CLIC4: variants seen among roughly 807,000 people sequenced by gnomAD.
CLIC4 encodes the protein chloride intracellular channel protein 4.
Under a neutral mutation model 24.6 loss-of-function variants are expected in CLIC4, and 13 were observed. The ratio of observed to expected loss-of-function variants is 0.53; its 90% confidence interval spans 0.34 to 0.84. CLIC4 has a LOEUF of 0.84. Ranked by LOEUF, CLIC4 falls within the 40% of genes least tolerant of loss-of-function variation. The pLI, the probability that CLIC4 is intolerant of heterozygous loss-of-function variation, is 0.01. For synonymous variants in CLIC4, 104 were observed against 111.3 expected (o/e 0.93, Z 0.41); for missense variants, 227 against 301.7 (o/e 0.75, Z 1.83).
chr1:24,817,942 T>C (rs1344938769), intron 3 of CLIC4, among the ~76,000 whole-genome samples: 3 of 152,178 alleles, frequency 2.0e-5, no homozygotes. Context: ...TCAGAACACA[T>C]ATGATATTAA....
chr1:24,753,291 G>A (rs114638480), intron 1 of CLIC4, among the ~76,000 whole-genome samples: 1,611 of 152,184 alleles, frequency 0.011, 26 homozygotes, highest in African/African-American at 0.037. Context: ...AGAATGTACC[G>A]GCATGAACTA....
At chr1:24,810,963 C>G (rs1639607032) in intron 2 of CLIC4, among the ~76,000 whole-genome samples, 1 of 151,714 alleles carries the variant, frequency 6.6e-6, no homozygotes, top group Admixed American at 6.6e-5. Context: ...CCTGTAGTCC[C>G]AGCTACTTGG....
chr1:24,821,458 A>G (rs1639733386), intron 3 of CLIC4, among the ~76,000 whole-genome samples: 1 of 152,208 alleles, frequency 6.6e-6, no homozygotes. Flanking sequence ...GTTTAAATAC[A>G]TAGGAATCTT....
chr1:24,767,051 AAAAG>A (rs1465465610), intron 1 of CLIC4, among the ~76,000 whole-genome samples: 6 of 150,958 alleles, frequency 4.0e-5, no homozygotes, highest in Admixed American at 2.6e-4. Context: ...AAAAAAAAGA[AAAAG>A]AAAAGAAAAA....
At chr1:24,772,549 G>A (rs12074636) in intron 1 of CLIC4, among the ~76,000 whole-genome samples, 152 of 152,292 alleles carry the variant, frequency 1.0e-3, no homozygotes, top group African/African-American at 3.5e-3. Context: ...GCAGTGGCAC[G>A]ATCTCAGCTC....
intron 3 of CLIC4, among the ~76,000 whole-genome samples, chr1:24,818,513 CTGACCT>C (rs1366664156): frequency 1.7e-4 from 26 of 152,260 alleles, no homozygotes; most frequent in African/African-American, 6.0e-4. Flanking sequence ...TCTCGAAATC[CTGACCT>C]CAAGGTATCC....
At chr1:24,748,894 A>G (rs1638740344) in intron 1 of CLIC4, among the ~76,000 whole-genome samples, 2 of 151,680 alleles carry the variant, frequency 1.3e-5, no homozygotes, top group African/African-American at 4.9e-5. Context: ...TGGGAAATGC[A>G]AATGGGGGAA....
intron 4 of CLIC4, 55 bp downstream of exon 4, chr1:24,827,171 G>T: frequency 9.4e-7 from 1 of 1,064,994 alleles, no homozygotes; most frequent in Non-Finnish European, 1.4e-6. Context: ...AACAACAACA[G>T]GCTGTTATTA....
At chr1:24,811,103 C>T (rs992278355) in intron 2 of CLIC4, among the ~76,000 whole-genome samples, 50 of 151,508 alleles carry the variant, frequency 3.3e-4, no homozygotes, top group Non-Finnish European at 6.2e-4. Flanking sequence ...AAATCATTTA[C>T]TAATTCATTA....
intron 1 of CLIC4, among the ~76,000 whole-genome samples, chr1:24,752,306 A>T (rs1301327888): frequency 6.6e-6 from 1 of 152,126 alleles, no homozygotes; most frequent in African/African-American, 2.4e-5. Flanking sequence ...CCCCCCACAA[A>T]CAGTGGTTCA....
intron 3 of CLIC4, among the ~76,000 whole-genome samples, chr1:24,823,827 C>T (rs141999999): frequency 5.9e-4 from 89 of 150,618 alleles, no homozygotes; most frequent in African/African-American, 1.9e-3. Flanking sequence ...GGCTAATCAG[C>T]CTTCATTTTT....
intron 1 of CLIC4, among the ~76,000 whole-genome samples, chr1:24,791,769 G>A (rs1386436762): frequency 4.6e-5 from 7 of 152,000 alleles, no homozygotes; most frequent in African/African-American, 9.7e-5. Context: ...CGAGTTACTC[G>A]GGAGGTTGAG....
At chr1:24,810,079 A>G (rs1342533129) in intron 2 of CLIC4, among the ~76,000 whole-genome samples, 1 of 152,300 alleles carries the variant, frequency 6.6e-6, no homozygotes, top group African/African-American at 2.4e-5. Flanking sequence ...TTTTAAAGTA[A>G]ATGCTAGACA....
At chr1:24,801,292 T>G (rs1571251259) in intron 2 of CLIC4, among the ~76,000 whole-genome samples, 1 of 152,290 alleles carries the variant, frequency 6.6e-6, no homozygotes, top group East Asian at 1.9e-4. Context: ...AGGAAACTTG[T>G]CTGGGGAGGC....
chr1:24,760,348 G>A lies in CLIC4; in HGVS notation c.72+14723G>A, dbSNP rs181056265. Among the ~76,000 whole-genome samples the A allele has an allele frequency of 1.9e-4, 29 of 151,706 alleles. No homozygotes were observed. The East Asian group carries it at 4.7e-3, about 24-fold the overall frequency. On this transcript the variant is annotated intron_variant, in intron 1 of 5. Coordinates refer to ENST00000374379, the MANE Select transcript of CLIC4 (RefSeq NM_013943.3). ...ACCACTGCACTCCAGTGACAGAGGG[G>A]GACTCCATCTCAAAAAAAAAGAAAA...
At chr1:24,751,485 C>CA (rs1638775564) in intron 1 of CLIC4, among the ~76,000 whole-genome samples, 1 of 82,004 alleles carries the variant, frequency 1.2e-5, no homozygotes, top group African/African-American at 3.9e-5. Flanking sequence ...GTGATCCACC[C>CA]GCTCGGCCTC....
At chr1:24,764,979 G>T (rs1428786867) in intron 1 of CLIC4, among the ~76,000 whole-genome samples, 1 of 152,134 alleles carries the variant, frequency 6.6e-6, no homozygotes, top group Admixed American at 6.5e-5. Context: ...TGTACCCTCA[G>T]GTGTCAGTAA....
At chr1:24,797,562 G>GA (rs71032862) in intron 1 of CLIC4, among the ~76,000 whole-genome samples, 180 bp from the exon 2 acceptor site, 34,188 of 124,842 alleles carry the variant, frequency 0.27, 4,746 homozygotes, top group Admixed American at 0.34. Context: ...CTCAAAAAAA[G>GA]AAAAAAAAAA....
At chr1:24,763,097 A>G (rs1638948274) in intron 1 of CLIC4, among the ~76,000 whole-genome samples, 1 of 151,728 alleles carries the variant, frequency 6.6e-6, no homozygotes, top group African/African-American at 2.4e-5. Context: ...GGCCAAGTAA[A>G]CTCTGTGAGG....
Sources: gnomAD v4.1 joint callset for allele counts (sites outside exome capture counted in the v4.1 genomes callset) on GRCh38, gnomAD v4.1.1 for gene constraint, MANE v1.5 for transcripts, NCBI Gene and HGNC (gene_info 2026-07-23, HGNC 2026-07-21) for gene names.